Variants in PTPRM observed in about 807,000 individuals in gnomAD.
The protein encoded by PTPRM is receptor-type tyrosine-protein phosphatase mu.
In PTPRM, 47 loss-of-function variants were observed where a neutral mutation model predicts 186.7. The ratio of observed to expected loss-of-function variants is 0.25; its 90% CI spans 0.20 to 0.32. The LOEUF (loss-of-function observed/expected upper bound fraction) is 0.32, where lower values mean the gene tolerates loss of function less well. Ranked by LOEUF, PTPRM falls within the 10% of genes least tolerant of loss-of-function variation. The probability of loss-of-function intolerance (pLI) is 1.00; values close to 1 mark genes in which losing one functional copy is unlikely to be tolerated. For missense variants in PTPRM, 1,494 were observed against 1,865.0 expected (o/e 0.80, Z 3.66); for synonymous variants, 668 against 674.9 (o/e 0.99, Z 0.16).
At chr18:7,945,756 T>A (rs1303148466) in intron 5 of PTPRM, among the ~76,000 whole-genome samples, 1 of 152,192 alleles carries the variant, frequency 6.6e-6, no homozygotes, top group Non-Finnish European at 1.5e-5. Flanking sequence ...GTTCTTTTAA[T>A]TTTATGCTCT....
intron 14 of PTPRM, among the ~76,000 whole-genome samples, chr18:8,185,518 C>T (rs2093630652): frequency 6.6e-6 from 1 of 152,214 alleles, no homozygotes; most frequent in Non-Finnish European, 1.5e-5. Flanking sequence ...GTAGTTGTCT[C>T]CCTATTCAGG....
intron 19 of PTPRM, among the ~76,000 whole-genome samples, chr18:8,292,493 C>G (rs907674521): frequency 7.2e-5 from 11 of 152,208 alleles, no homozygotes; most frequent in Non-Finnish European, 7.3e-5. Flanking sequence ...TGAAGGAACA[C>G]TTACGGAAAA....
intron 20 of PTPRM, among the ~76,000 whole-genome samples, chr18:8,312,409 T>C (rs550696741): frequency 1.3e-5 from 2 of 152,304 alleles, no homozygotes; most frequent in East Asian, 3.9e-4. Context: ...GGAAACATTC[T>C]GACTGCCGGT....
chr18:7,763,378 G>C (rs932474547), intron 1 of PTPRM, among the ~76,000 whole-genome samples: 10 of 152,148 alleles, frequency 6.6e-5, no homozygotes, highest in Admixed American at 1.3e-4. Flanking sequence ...AGATTGTTAG[G>C]CTTCTGGACT....
intron 5 of PTPRM, among the ~76,000 whole-genome samples, chr18:7,931,860 T>C (rs2051505455): frequency 6.6e-6 from 1 of 152,234 alleles, no homozygotes; most frequent in Admixed American, 6.5e-5. Context: ...CAGGACTTTC[T>C]ATTTATAATA....
At chr18:7,798,252 C>T (rs914442649) in intron 2 of PTPRM, among the ~76,000 whole-genome samples, 2 of 152,064 alleles carry the variant, frequency 1.3e-5, no homozygotes, top group Non-Finnish European at 2.9e-5. Context: ...TAAGATGGGC[C>T]GGGCATGGTG....
intron 19 of PTPRM, among the ~76,000 whole-genome samples, chr18:8,263,717 A>ACTCTC (rs1444223769): frequency 6.6e-6 from 1 of 152,076 alleles, no homozygotes; most frequent in African/African-American, 2.4e-5. Flanking sequence ...TAGAGATCAC[A>ACTCTC]CTCTCTAAAA....
At chr18:7,606,188 C>A (rs140235181) in intron 1 of PTPRM, among the ~76,000 whole-genome samples, 10 of 151,914 alleles carry the variant, frequency 6.6e-5, no homozygotes, top group Non-Finnish European at 1.5e-4. Context: ...AGACTCCTCT[C>A]GTGAATAGTT....
intron 9 of PTPRM, among the ~76,000 whole-genome samples, chr18:8,081,239 G>A (rs1490284890): frequency 6.6e-6 from 1 of 152,130 alleles, no homozygotes; most frequent in African/African-American, 2.4e-5. Context: ...AAGATTTCAG[G>A]CACTTACCTG....
At chr18:7,734,997 G>A (rs1271688044) in intron 1 of PTPRM, among the ~76,000 whole-genome samples, 1 of 152,132 alleles carries the variant, frequency 6.6e-6, no homozygotes, top group East Asian at 1.9e-4. Context: ...TCCCCCTTAT[G>A]GCCGAGGGGA....
chr18:8,191,627 TCCC>T (rs2093710992), intron 14 of PTPRM, among the ~76,000 whole-genome samples: 1 of 151,070 alleles, frequency 6.6e-6, no homozygotes, highest in African/African-American at 2.4e-5. Flanking sequence ...TGCACACACA[TCCC>T]CCCAACACAC....
intron 7 of PTPRM, among the ~76,000 whole-genome samples, chr18:7,988,864 T>G (rs901906343): frequency 6.6e-6 from 1 of 152,178 alleles, no homozygotes. Flanking sequence ...ATAATGCTAC[T>G]ATGAACATTA....
rs552921850 is a variant in PTPRM at position 7,698,369 on chromosome 18, C to G, written c.74-75780C>G. Reference sequence around the variant, plus strand: ...GAAATACCATTTGGCTCAATTTACTCATCATCCTAATCTTAGAATTTCCAT... The same window carrying G: ...GAAATACCATTTGGCTCAATTTACTGATCATCCTAATCTTAGAATTTCCAT... On this transcript the variant is annotated intron_variant, in intron 1 of 32. Transcript: ENST00000580170. Among the ~76,000 whole-genome samples, 6 of 152,292 alleles carry G rather than the reference C, an allele frequency of 3.9e-5. No individual in the cohort carries two copies. The East Asian group carries it at 5.8e-4, about 15-fold the overall frequency.
At chr18:7,883,131 A>G (rs984626369) in intron 2 of PTPRM, among the ~76,000 whole-genome samples, 5 of 152,220 alleles carry the variant, frequency 3.3e-5, no homozygotes, top group African/African-American at 1.2e-4. Flanking sequence ...CTACTTATAT[A>G]CTAGTGACTT....
rs148978098 is a variant in PTPRM, at chr18:8,029,795, C to T, written c.1133-39891C>T. 2.9e-3 allele frequency among the ~76,000 whole-genome samples: 443 copies of T among 152,324 alleles called. 2 individuals are homozygous for T. The highest frequency in any genetic ancestry group is 0.01 in the African/African-American group (433 of 41,570). On this transcript the variant is annotated intron_variant, in intron 7 of 32. Transcript: ENST00000580170. ...GCACACAGTGAGCCTGCAGGAAATA[C>T]TGGCTAAATTGAGTGTTTTCCTCCT...
intron 14 of PTPRM, among the ~76,000 whole-genome samples, chr18:8,187,232 G>C (rs1165152138): frequency 6.6e-6 from 1 of 152,162 alleles, no homozygotes; most frequent in Non-Finnish European, 1.5e-5. Context: ...GAGCCACCAT[G>C]CCCAACCAAA....
chr18:8,380,090 G>C (rs1003595122), intron 28 of PTPRM, among the ~76,000 whole-genome samples: 4 of 152,116 alleles, frequency 2.6e-5, no homozygotes, highest in African/African-American at 7.2e-5. Context: ...AGTTTTCTTG[G>C]TATCAAAGTA....
At position 7,963,209 on chromosome 18, in the gene PTPRM, A is replaced by G. The variant is rs551271732; in HGVS notation, c.1132+7795A>G. Among the ~76,000 whole-genome samples the G allele has an allele frequency of 4.6e-5, 7 of 152,376 alleles. No homozygotes were observed. The South Asian group carries it at 1.4e-3, about 32-fold the overall frequency. On this transcript the variant is annotated intron_variant, in intron 7 of 32. Coordinates refer to ENST00000580170, the MANE Select transcript of PTPRM (RefSeq NM_001105244.2). The stretch of plus-strand genomic sequence containing the variant: ...TAGGACAGGGGCATATCAGCAATGC[A>G]GTGTCTTTTTTATTATAATATATTC...
intron 1 of PTPRM, among the ~76,000 whole-genome samples, chr18:7,605,576 A>C (rs1471400953): frequency 2.0e-5 from 3 of 152,216 alleles, no homozygotes; most frequent in Admixed American, 1.3e-4. Context: ...TCTTGTCGTG[A>C]ATCGAACCAA....
Sources: allele counts gnomAD v4.1 joint callset (sites outside exome capture counted in the v4.1 genomes callset), GRCh38; gene constraint gnomAD v4.1.1; transcripts MANE v1.5; gene names NCBI Gene and HGNC (gene_info 2026-07-23, HGNC 2026-07-21).